SLFN5: variants seen among roughly 807,000 people sequenced by gnomAD.
SLFN5 encodes the protein schlafen family member 5.
A neutral mutation model predicts 48.5 loss-of-function variants in SLFN5; 34 were observed. The ratio of observed to expected loss-of-function variants is 0.70; its 90% CI spans 0.53 to 0.93. The LOEUF (loss-of-function observed/expected upper bound fraction) is 0.93. SLFN5 is among the 40% of genes least tolerant of loss of function. The pLI is 0.00. For missense variants in SLFN5, 1,006 were observed against 1,071.3 expected, an observed-to-expected ratio of 0.94 and a Z score of 0.85; for synonymous variants, 387 against 396.2, an observed-to-expected ratio of 0.98 and a Z score of 0.28.
chr17:35,244,947 TAAGAGGAAG>T (rs979479235), intron 1 of SLFN5, among the ~76,000 whole-genome samples: 24 of 152,240 alleles, frequency 1.6e-4, no homozygotes, highest in African/African-American at 5.8e-4. Context: ...TATTTCCATG[TAAGAGGAAG>T]AAGAGGAAAA....
At position 35,272,523 on chromosome 17, in the gene SLFN5, CA is replaced by C. The variant is rs1904857714; in HGVS notation, c.*6636del. The C allele has an allele frequency of 6.6e-6, 1 of 152,062 alleles. No homozygotes were observed. Among genetic ancestry groups the C allele is most frequent in the Non-Finnish European group, 1.5e-5 (1 of 67,998 alleles). 9.4% of individuals were successfully genotyped at this position (152,062 alleles called of 1,614,324 possible). Reference sequence around the variant, plus strand: ...CTAAGTATGGCCCTCAATCAGAAACCAGGAAGGAAAATATTGACTATTTTAA... The same window carrying C: ...CTAAGTATGGCCCTCAATCAGAAACCGGAAGGAAAATATTGACTATTTTAA... On this transcript the variant is annotated 3_prime_UTR_variant, in exon 5 of 5. Transcript: ENST00000299977.
At position 35,270,106 on chromosome 17, in the gene SLFN5, T is replaced by C. The variant is rs2142710910; in HGVS notation, c.*4218T>C. The C allele has an allele frequency of 6.6e-6, 1 of 152,220 alleles. No individual in the cohort carries two copies. Among genetic ancestry groups the C allele is most frequent in the Admixed American group, 6.5e-5 (1 of 15,286 alleles). The allele number at this position is 152,220 out of a possible 1,614,324, so 9.4% of individuals were successfully genotyped here. A position where few individuals can be genotyped will look rare whatever the true frequency, so the allele number is the denominator to read the frequency against. On this transcript the variant is annotated 3_prime_UTR_variant, in exon 5 of 5. Coordinates refer to ENST00000299977, the MANE Select transcript of SLFN5 (RefSeq NM_144975.4). ...ACATAAAAATAATTTTAAAATATTA[T>C]GTATCATATCCTTCGATTTAACATA...
Position 35,259,118 on chromosome 17 carries a change from C to T in SLFN5, c.428C>T (p.Thr143Ile). The change falls in exon 2 of 5, where the codon ACT (threonine) becomes ATT (isoleucine). Residue 143 changes from threonine (T) to isoleucine (I), a missense_variant. By Grantham distance (89) the Thr-to-Ile change is moderately conservative. Transcript: ENST00000299977. ...ALAFLKCRTQ[T>I]PTNINVSNSL... The stretch of plus-strand genomic sequence containing the variant: ...GCATTCCTCAAATGCAGGACTCAGA[C>T]TCCAACGAATATTAATGTTTCCAAT... 1 of 1,614,168 alleles carries T rather than the reference C, an allele frequency of 6.2e-7. No individual in the cohort carries two copies. Among genetic ancestry groups the T allele is most frequent in the Non-Finnish European group, 8.5e-7 (1 of 1,180,030 alleles).
Position 35,265,581 on chromosome 17 carries a change from T to C in SLFN5, c.2369T>C (p.Ile790Thr), listed in dbSNP as rs1904657048. The C allele has an allele frequency of 1.9e-6, 3 of 1,614,090 alleles. No homozygotes were observed. The highest frequency in any genetic ancestry group is 1.3e-5 in the African/African-American group (1 of 74,932). ...LLRNGYSPKD[I>T]AVLFTKASEV... Reference sequence around the variant, plus strand: ...CGGAATGGTTATTCTCCGAAGGATATTGCTGTGCTTTTCACCAAAGCAAGT... The same window carrying C: ...CGGAATGGTTATTCTCCGAAGGATACTGCTGTGCTTTTCACCAAAGCAAGT... Residue 790 changes from isoleucine to threonine, a missense_variant, in exon 5 of 5, where the codon ATT (isoleucine) becomes ACT (threonine). Coordinates refer to ENST00000299977, the MANE Select transcript of SLFN5 (RefSeq NM_144975.4).
At position 35,266,870 on chromosome 17, in the gene SLFN5, G is replaced by A. The variant is rs905683961; in HGVS notation, c.*982G>A. On this transcript the variant is annotated 3_prime_UTR_variant, in exon 5 of 5. Transcript: ENST00000299977. ...AGTGCAAATTTCTCATTTCCTGTGGGTCTCTAGAAACTCTCTCAATATTTA... is the reference window on the plus strand; with the variant it reads ...AGTGCAAATTTCTCATTTCCTGTGGATCTCTAGAAACTCTCTCAATATTTA... The A allele has an allele frequency of 5.3e-5, 8 of 152,186 alleles. No individual in the cohort carries two copies. In the East Asian group the frequency reaches 1.5e-3, roughly 29 times the overall value. The allele number at this position is 152,186 out of a possible 1,614,324, so 9.4% of individuals were successfully genotyped here.
rs1259179265 is a variant in SLFN5, at chr17:35,272,707, A to C, written c.*6819A>C. On this transcript the variant is annotated 3_prime_UTR_variant, in exon 5 of 5. Coordinates refer to ENST00000299977, the MANE Select transcript of SLFN5 (RefSeq NM_144975.4). Reference sequence around the variant, plus strand: ...AAAAATTCTAAGGTCTCAAAGGAAAAATGAGCAAAGGATTTGACAGGTGGT... The same window carrying C: ...AAAAATTCTAAGGTCTCAAAGGAAACATGAGCAAAGGATTTGACAGGTGGT... 6.6e-6 allele frequency: 1 copy of C among 152,266 alleles called. No individual in the cohort carries two copies. Among genetic ancestry groups the C allele is most frequent in the Non-Finnish European group, 1.5e-5 (1 of 68,038 alleles). The allele number at this position is 152,266 out of a possible 1,614,324, so 9.4% of individuals were successfully genotyped here.
At chr17:35,244,639 C>G (rs1455289394) in intron 1 of SLFN5, among the ~76,000 whole-genome samples, 1 of 152,110 alleles carries the variant, frequency 6.6e-6, no homozygotes, top group African/African-American at 2.4e-5. Context: ...TTAAATGTCA[C>G]AAGAGGCCGG....
In SLFN5 at chr17:35,265,614, A is replaced by C. The variant is rs765149509; in HGVS notation, c.2402A>C (p.Glu801Ala). 6.2e-7 allele frequency: 1 copy of C among 1,614,202 alleles called. No individual in the cohort carries two copies. Among genetic ancestry groups the C allele is most frequent in the Admixed American group, 1.7e-5 (1 of 60,024 alleles). Residue 801 changes from glutamate (E) to alanine (A), a missense_variant, in exon 5 of 5, where the codon GAA (glutamate) becomes GCA (alanine). Physicochemically the swap from Glu to Ala is moderately radical, Grantham distance 107. Coordinates refer to ENST00000299977, the MANE Select transcript of SLFN5 (RefSeq NM_144975.4). ...CTTTTCACCAAAGCAAGTGAAGTGG[A>C]AAAATATAAAGACAGGCTTCTAACA... The part of the protein sequence containing the change: ...AVLFTKASEV[E>A]KYKDRLLTAM...
chr17:35,246,552 A>G (rs1326615591), intron 1 of SLFN5, among the ~76,000 whole-genome samples: 1 of 152,146 alleles, frequency 6.6e-6, no homozygotes, highest in African/African-American at 2.4e-5. Flanking sequence ...ATATCATTTA[A>G]AAAAATTTAT....
chr17:35,257,020 G>A lies in SLFN5; in HGVS notation c.-40-1631G>A, dbSNP rs145081274. Among the ~76,000 whole-genome samples, 27 of 152,150 alleles carry A rather than the reference G, an allele frequency of 1.8e-4. No individual in the cohort carries two copies. The East Asian group carries it at 2.7e-3, about 15-fold the overall frequency. ...TGTGCATGTGAGGGATCTAGGCTGC[G>A]CACTCCTTATGAGAATCTAACTAAT... On this transcript the variant is annotated intron_variant, in intron 1 of 4. Coordinates refer to ENST00000299977, the MANE Select transcript of SLFN5 (RefSeq NM_144975.4).
In SLFN5 at chr17:35,259,198, G is replaced by C; in HGVS notation, c.508G>C (p.Val170Leu). The change falls in exon 2 of 5, where the codon GTG (valine) becomes CTG (leucine). Residue 170 changes from valine to leucine, a missense_variant. Transcript: ENST00000299977. The stretch of plus-strand genomic sequence containing the variant: ...TGTACAATATGAAGGTAACATAAAT[G>C]TGTCAGCTGCTGCTTTATTTGATAG... ...GSVQYEGNIN[V>L]SAAALFDRKR... 1 of 1,614,118 alleles carries C rather than the reference G, an allele frequency of 6.2e-7. No individual in the cohort carries two copies. Among genetic ancestry groups the C allele is most frequent in the Non-Finnish European group, 8.5e-7 (1 of 1,180,042 alleles).
At chr17:35,258,170 AAGCT>A (rs1336483187) in intron 1 of SLFN5, among the ~76,000 whole-genome samples, 1 of 152,178 alleles carries the variant, frequency 6.6e-6, no homozygotes, top group African/African-American at 2.4e-5. Flanking sequence ...ATCTGACCTC[AAGCT>A]ATGTGGGAAT....
intron 1 of SLFN5, among the ~76,000 whole-genome samples, chr17:35,250,470 A>C (rs545479252): frequency 2.6e-5 from 4 of 152,190 alleles, no homozygotes; most frequent in Non-Finnish European, 5.9e-5. Flanking sequence ...TCCTGGCTAA[A>C]ACGGTGAAAC....
rs1904623703 is a variant in SLFN5, at chr17:35,264,739, A to C, written c.1695A>C (p.Ser565=). 5.0e-6 allele frequency: 8 copies of C among 1,602,418 alleles called. No homozygotes were observed. The highest frequency in any genetic ancestry group is 6.0e-6 in the Non-Finnish European group (7 of 1,175,746). The part of the protein sequence containing the change: ...LLTNKQYELL[S]KNLRKTRELF... ...CAAATAAACAGTATGAGTTGCTTTC[A>C]AAGAACCTTCGCAAGACCAGAGAGT... Residue 565 remains serine, a synonymous_variant, in exon 4 of 5, where the codon TCA becomes TCC. Transcript: ENST00000299977.
chr17:35,259,101 C>T lies in SLFN5; in HGVS notation c.411C>T (p.Leu137=), dbSNP rs867979867. ...ATTCTCAGGAAGCTCTGGCATTCCT[C>T]AAATGCAGGACTCAGACTCCAACGA... ...VMDSQEALAF[L]KCRTQTPTNI... is the part of the protein sequence containing the mutation. Residue 137 remains leucine (L), a synonymous_variant, in exon 2 of 5, where the codon CTC becomes CTT. Coordinates refer to ENST00000299977, the MANE Select transcript of SLFN5 (RefSeq NM_144975.4). The T allele has an allele frequency of 6.2e-7, 1 of 1,614,136 alleles. No individual in the cohort carries two copies. The highest frequency in any genetic ancestry group is 1.6e-4 in the Middle Eastern group (1 of 6,062).
rs770741775 is a variant in SLFN5, at chr17:35,266,141, G to GGTGTGT, written c.*253_*254insGTGTGT. 4.8e-3 allele frequency: 1,709 copies of GGTGTGT among 353,770 alleles called. 43 individuals are homozygous for GGTGTGT. The highest frequency in any genetic ancestry group is 9.4e-3 in the Admixed American group (181 of 19,220). 21.9% of individuals were successfully genotyped at this position (353,770 alleles called of 1,614,324 possible). A position where few individuals can be genotyped will look rare whatever the true frequency, so the allele number is the denominator to read the frequency against. On this transcript the variant is annotated 3_prime_UTR_variant, in exon 5 of 5. Coordinates refer to ENST00000299977, the MANE Select transcript of SLFN5 (RefSeq NM_144975.4). ...TAATTAGAGGACCGTGAGACTCAGA[G>GGTGTGT]ATGTGTGTGTGTGTGTGTGTGTGTG...
chr17:35,251,552 C>T lies in SLFN5; in HGVS notation c.-40-7099C>T, dbSNP rs368033237. On this transcript the variant is annotated intron_variant, in intron 1 of 4. Transcript: ENST00000299977. The stretch of plus-strand genomic sequence containing the variant: ...TCCCGAGTAGCTGGGACTACAGGCA[C>T]CCGCCACCACGCCAGGTTAATTTTT... Among the ~76,000 whole-genome samples, 71 of 151,856 alleles carry T rather than the reference C, an allele frequency of 4.7e-4. No individual in the cohort carries two copies. The East Asian group carries it at 0.014, about 29-fold the overall frequency.
chr17:35,256,683 C>T (rs11871533), intron 1 of SLFN5, among the ~76,000 whole-genome samples: 50,040 of 152,084 alleles, frequency 0.33, 10,050 homozygotes, highest in Middle Eastern at 0.51. Context: ...TACTATTACA[C>T]GATGCCACCT....
At chr17:35,249,677 C>G (rs2092438101) in intron 1 of SLFN5, among the ~76,000 whole-genome samples, 1 of 152,206 alleles carries the variant, frequency 6.6e-6, no homozygotes, top group African/African-American at 2.4e-5. Flanking sequence ...CCTTCCTCCT[C>G]TTTGATATCA....
Sources: gnomAD v4.1 joint callset for allele counts (sites outside exome capture counted in the v4.1 genomes callset) on GRCh38, gnomAD v4.1.1 for gene constraint, MANE v1.5 for transcripts, NCBI Gene and HGNC (gene_info 2026-07-23, HGNC 2026-07-21) for gene names.